The following SPOCK1 variants were observed in gnomAD, a reference collection of about 807,000 sequenced individuals.
The protein encoded by SPOCK1 is SPARC (osteonectin), cwcv and kazal like domains proteoglycan 1.
SPOCK1 carries 23 observed loss-of-function variants against 55.3 expected under a neutral mutation model. The observed-to-expected ratio is 0.42, with a 90% CI of 0.30 to 0.59. SPOCK1 has a LOEUF of 0.59. Among genes scored for constraint, SPOCK1 ranks in the 20% least tolerant of loss-of-function variants. The pLI is 0.22. For synonymous variants in SPOCK1, 226 were observed against 221.0 expected, an observed-to-expected ratio of 1.02 and a Z score of -0.20; for missense variants, 499 against 552.5, an observed-to-expected ratio of 0.90 and a Z score of 0.97.
chr5:137,472,996 A>G (rs911289328), intron 2 of SPOCK1, among the ~76,000 whole-genome samples: 2 of 152,204 alleles, frequency 1.3e-5, no homozygotes, highest in African/African-American at 4.8e-5. Flanking sequence ...GCACTGTTCT[A>G]TGTTGCCGGT....
At chr5:137,420,556 T>TGG (rs1752465274) in intron 2 of SPOCK1, among the ~76,000 whole-genome samples, 1 of 152,256 alleles carries the variant, frequency 6.6e-6, no homozygotes, top group Non-Finnish European at 1.5e-5. Context: ...ATTTATCCAT[T>TGG]TCTTCTAAAT....
chr5:137,452,674 T>G (rs1204297098), intron 2 of SPOCK1, among the ~76,000 whole-genome samples: 1 of 152,180 alleles, frequency 6.6e-6, no homozygotes, highest in Non-Finnish European at 1.5e-5. Context: ...CAAAGCATAG[T>G]TATGACTACA....
At chr5:137,250,786 C>T (rs2916629) in intron 3 of SPOCK1, among the ~76,000 whole-genome samples, 10,260 of 152,216 alleles carry the variant, frequency 0.067, 1,058 homozygotes, top group African/African-American at 0.23. Flanking sequence ...TACTAGTCCA[C>T]GAAGATCAGA....
intron 5 of SPOCK1, among the ~76,000 whole-genome samples, chr5:137,069,561 T>C (rs1432177346): frequency 1.3e-5 from 2 of 152,208 alleles, no homozygotes; most frequent in South Asian, 2.1e-4. Flanking sequence ...AGGTATGGGA[T>C]GTGCTACAGA....
At chr5:137,320,908 A>C (rs1240822858) in intron 2 of SPOCK1, among the ~76,000 whole-genome samples, 2 of 152,246 alleles carry the variant, frequency 1.3e-5, no homozygotes, top group East Asian at 3.8e-4. Flanking sequence ...AAATATCCAG[A>C]AATTGGTCCT....
chr5:137,466,694 G>C (rs1753630830), intron 2 of SPOCK1, among the ~76,000 whole-genome samples: 1 of 152,200 alleles, frequency 6.6e-6, no homozygotes, highest in Non-Finnish European at 1.5e-5. Flanking sequence ...TGCATCTTAA[G>C]TGTTTAGCAC....
chr5:137,405,359 T>G (rs1486428445), intron 2 of SPOCK1, among the ~76,000 whole-genome samples: 2 of 152,222 alleles, frequency 1.3e-5, no homozygotes, highest in Non-Finnish European at 2.9e-5. Flanking sequence ...TGCAAGTTAT[T>G]AAGTCTCTGA....
intron 3 of SPOCK1, among the ~76,000 whole-genome samples, chr5:137,231,054 T>A (rs1407800726): frequency 6.6e-6 from 1 of 152,038 alleles, no homozygotes; most frequent in African/African-American, 2.4e-5. Context: ...CCCCCTTTTT[T>A]TTTTTTGAGA....
At chr5:137,152,831 G>GTGC (rs1491310488) in intron 3 of SPOCK1, among the ~76,000 whole-genome samples, 1 of 152,006 alleles carries the variant, frequency 6.6e-6, no homozygotes, top group Non-Finnish European at 1.5e-5. Flanking sequence ...AACATCTGAG[G>GTGC]TGCTTTCATG....
intron 2 of SPOCK1, among the ~76,000 whole-genome samples, chr5:137,437,008 A>G (rs540425919): frequency 6.6e-6 from 1 of 152,236 alleles, no homozygotes; most frequent in Non-Finnish European, 1.5e-5. Context: ...TGGGTCCGAA[A>G]GCCCTAGTAT....
At chr5:137,410,355 G>A (rs1266047747) in intron 2 of SPOCK1, among the ~76,000 whole-genome samples, 1 of 152,182 alleles carries the variant, frequency 6.6e-6, no homozygotes, top group Non-Finnish European at 1.5e-5. Context: ...TTTAAGAACT[G>A]ATCAAGATGT....
chr5:137,096,833 G>A (rs1753156545), intron 5 of SPOCK1, among the ~76,000 whole-genome samples: 1 of 152,220 alleles, frequency 6.6e-6, no homozygotes, highest in Admixed American at 6.5e-5. Context: ...GTGAATTGGT[G>A]TAGTTCTGTC....
intron 3 of SPOCK1, among the ~76,000 whole-genome samples, chr5:137,256,234 C>T (rs947075801): frequency 6.6e-5 from 10 of 152,212 alleles, no homozygotes; most frequent in Non-Finnish European, 1.5e-4. Context: ...GGCTAAACCA[C>T]TCCATCTCCA....
intron 2 of SPOCK1, among the ~76,000 whole-genome samples, chr5:137,454,519 G>T (rs1436187996): frequency 6.6e-6 from 1 of 152,160 alleles, no homozygotes; most frequent in Non-Finnish European, 1.5e-5. Context: ...AGGCTGGAGG[G>T]GAGGGGGGAA....
intron 3 of SPOCK1, among the ~76,000 whole-genome samples, chr5:137,165,688 T>A (rs1754636004): frequency 2.6e-5 from 4 of 152,122 alleles, no homozygotes; most frequent in Non-Finnish European, 1.5e-5. Flanking sequence ...AATTCAGAAT[T>A]CTATCTGATA....
intron 2 of SPOCK1, among the ~76,000 whole-genome samples, chr5:137,441,127 T>A (rs1752997107): frequency 6.6e-6 from 1 of 152,202 alleles, no homozygotes; most frequent in African/African-American, 2.4e-5. Context: ...CAATCAGACG[T>A]TCAACATCAG....
At chr5:137,070,970 T>C (rs1336229798) in intron 5 of SPOCK1, among the ~76,000 whole-genome samples, 1 of 151,964 alleles carries the variant, frequency 6.6e-6, no homozygotes, top group Non-Finnish European at 1.5e-5. Flanking sequence ...TTTTTTACCT[T>C]TCAGGACAAT....
intron 2 of SPOCK1, among the ~76,000 whole-genome samples, chr5:137,273,787 G>T (rs1198304125): frequency 1.3e-5 from 2 of 152,322 alleles, no homozygotes; most frequent in East Asian, 3.9e-4. Context: ...ACCCCAAGAT[G>T]ACATCCAAGA....
At chr5:137,159,858 T>A (rs933036687) in intron 3 of SPOCK1, among the ~76,000 whole-genome samples, 6 of 152,156 alleles carry the variant, frequency 3.9e-5, no homozygotes, top group Admixed American at 3.3e-4. Flanking sequence ...AAGTCTTGAG[T>A]CCCTTGAAGT....
Sources: gnomAD v4.1 joint callset for allele counts (sites outside exome capture counted in the v4.1 genomes callset) on GRCh38, gnomAD v4.1.1 for gene constraint, MANE v1.5 for transcripts, NCBI Gene and HGNC (gene_info 2026-07-23, HGNC 2026-07-21) for gene names.